The following EHMT1 variants were observed in gnomAD, a reference collection of about 807,000 sequenced individuals.
EHMT1 encodes euchromatic histone lysine methyltransferase 1, also known as histone-lysine N-methyltransferase EHMT1.
A neutral mutation model predicts 147.2 loss-of-function variants in EHMT1; 15 were observed. That is an observed-to-expected ratio of 0.10 (90% CI 0.07 to 0.16). EHMT1 has a LOEUF of 0.16. Among genes scored for constraint, EHMT1 ranks in the 10% least tolerant of loss-of-function variants. The probability of loss-of-function intolerance (pLI) is 1.00; values close to 1 mark genes in which losing one functional copy is unlikely to be tolerated. For missense variants in EHMT1, 1,587 were observed against 1,772.4 expected, an observed-to-expected ratio of 0.90 and a Z score of 1.88; for synonymous variants, 795 against 709.6, an observed-to-expected ratio of 1.12 and a Z score of -1.91.
intron 4 of EHMT1, among the ~76,000 whole-genome samples, chr9:137,729,803 T>G (rs943495736): frequency 5.9e-5 from 9 of 152,260 alleles, no homozygotes; most frequent in Middle Eastern, 3.4e-3. Context: ...TTCCTAAAAT[T>G]ACTGTCCCTC....
intron 4 of EHMT1, among the ~76,000 whole-genome samples, chr9:137,734,738 G>A (rs903683481): frequency 2.0e-5 from 3 of 152,218 alleles, no homozygotes; most frequent in African/African-American, 7.2e-5. Context: ...CGTTTCCTCA[G>A]TGAGATCATT....
chr9:137,756,407 A>G (rs1244105424), intron 8 of EHMT1, among the ~76,000 whole-genome samples: 4 of 152,176 alleles, frequency 2.6e-5, no homozygotes, highest in African/African-American at 7.2e-5. Flanking sequence ...TCTTATTCAC[A>G]GTGATTTTGG....
chr9:137,649,214 C>A (rs1294693420), intron 1 of EHMT1, among the ~76,000 whole-genome samples: 6 of 151,982 alleles, frequency 3.9e-5, no homozygotes, highest in Admixed American at 3.9e-4. Flanking sequence ...GAGGCCAAGG[C>A]GGGTGGATCA....
At chr9:137,651,453 G>C (rs62590247) in intron 1 of EHMT1, among the ~76,000 whole-genome samples, 1,894 of 152,256 alleles carry the variant, frequency 0.012, 19 homozygotes, top group South Asian at 0.025. Context: ...GTCTCTGTCA[G>C]TGATGGACAA....
intron 19 of EHMT1, among the ~76,000 whole-genome samples, 159 bp downstream of exon 19, chr9:137,811,774 A>G (rs1473684275): frequency 1.3e-5 from 2 of 152,136 alleles, no homozygotes; most frequent in Non-Finnish European, 2.9e-5. Flanking sequence ...ACACGCAGAG[A>G]AGTGTCTTTC....
intron 2 of EHMT1, chr9:137,715,593 C>A: frequency 3.0e-6 from 3 of 985,424 alleles, no homozygotes; most frequent in Non-Finnish European, 3.6e-6. Flanking sequence ...GTGCACCTAG[C>A]GATGCCATCG....
chr9:137,670,718 A>G (rs1940493846), intron 1 of EHMT1, among the ~76,000 whole-genome samples: 1 of 152,152 alleles, frequency 6.6e-6, no homozygotes. Context: ...TCCTGGCTCC[A>G]GTTCCTACGG....
intron 3 of EHMT1, among the ~76,000 whole-genome samples, chr9:137,723,744 C>T (rs3123507): frequency 0.11 from 17,162 of 152,280 alleles, 3,080 homozygotes; most frequent in African/African-American, 0.38. Context: ...TTGAAAATTA[C>T]GTTTTAAAAA....
At chr9:137,675,624 C>T (rs1439931912) in intron 1 of EHMT1, among the ~76,000 whole-genome samples, 30 of 127,438 alleles carry the variant, frequency 2.4e-4, no homozygotes, top group African/African-American at 8.3e-4. Context: ...CCACCACGCC[C>T]GGCTAATTTT....
intron 1 of EHMT1, among the ~76,000 whole-genome samples, chr9:137,663,408 A>T (rs1258571928): frequency 2.6e-5 from 4 of 152,192 alleles, no homozygotes; most frequent in Non-Finnish European, 5.9e-5. Flanking sequence ...GGTGAAGAGC[A>T]GCATGGAGCA....
chr9:137,659,243 T>A (rs1938810623), intron 1 of EHMT1, among the ~76,000 whole-genome samples: 1 of 152,110 alleles, frequency 6.6e-6, no homozygotes, highest in Non-Finnish European at 1.5e-5. Context: ...GGTACTTGGT[T>A]GGCTTTTCTG....
intron 3 of EHMT1, among the ~76,000 whole-genome samples, chr9:137,718,112 G>A (rs958497182): frequency 5.5e-5 from 8 of 145,712 alleles, no homozygotes; most frequent in Admixed American, 1.4e-4. Context: ...CTCACGCACC[G>A]TGATGATTTT....
At chr9:137,673,463 T>C (rs1213661420) in intron 1 of EHMT1, among the ~76,000 whole-genome samples, 2 of 152,194 alleles carry the variant, frequency 1.3e-5, no homozygotes, top group East Asian at 3.8e-4. Flanking sequence ...ATGGGTGTCC[T>C]GGGAGGCAGG....
At chr9:137,716,044 GTGT>G (rs1285972847) in intron 2 of EHMT1, among the ~76,000 whole-genome samples, 2 of 146,000 alleles carry the variant, frequency 1.4e-5, no homozygotes, top group African/African-American at 5.1e-5. Context: ...GGAGGAAATT[GTGT>G]TGGTGTCATG....
intron 7 of EHMT1, among the ~76,000 whole-genome samples, chr9:137,753,608 A>C (rs1445038340): frequency 1.3e-5 from 2 of 152,196 alleles, no homozygotes; most frequent in Non-Finnish European, 1.5e-5. Context: ...TGTGGCCTGC[A>C]CGTGGCCTCC....
intron 1 of EHMT1, among the ~76,000 whole-genome samples, chr9:137,627,366 G>A (rs1287036642): frequency 1.4e-5 from 2 of 147,724 alleles, no homozygotes; most frequent in Non-Finnish European, 3.0e-5. Flanking sequence ...GGGTTCAAAC[G>A]ATTCTCTTAC....
At chr9:137,723,486 T>C (rs1181451968) in intron 3 of EHMT1, among the ~76,000 whole-genome samples, 209 of 135,786 alleles carry the variant, frequency 1.5e-3, no homozygotes, top group African/African-American at 4.6e-3. Context: ...GGGGTGTGTC[T>C]GTGTCTGTGG....
Position 137,622,153 on chromosome 9 carries a change from CT to C in EHMT1, c.21+3105del, listed in dbSNP as rs566115971. On this transcript the variant is annotated intron_variant, in intron 1 of 26. Transcript: ENST00000460843. ...TTTCTTTTTGAGAATGAGTCTTGAT[CT>C]ATTGCCCAGGCTGGAGTGCAGTGGC... Among the ~76,000 whole-genome samples the C allele has an allele frequency of 1.5e-4, 19 of 127,492 alleles. No individual in the cohort carries two copies. The East Asian group carries it at 4.5e-3, about 30-fold the overall frequency. 83.6% of individuals were successfully genotyped at this position (127,492 alleles called of 152,430 possible).
chr9:137,768,627 G>A (rs1394982914), intron 10 of EHMT1, among the ~76,000 whole-genome samples: 14 of 119,772 alleles, frequency 1.2e-4, no homozygotes, highest in Middle Eastern at 5.4e-3. Context: ...TCGGCTCACT[G>A]CAAGCTCCGC....
Sources: allele counts gnomAD v4.1 joint callset (sites outside exome capture counted in the v4.1 genomes callset), GRCh38; gene constraint gnomAD v4.1.1; transcripts MANE v1.5; gene names NCBI Gene and HGNC (gene_info 2026-07-23, HGNC 2026-07-21).